CDYL2: variants seen among roughly 807,000 people sequenced by gnomAD.
The protein encoded by CDYL2 is chromodomain Y like 2.
A neutral mutation model predicts 49.4 loss-of-function variants in CDYL2; 23 were observed. The observed-to-expected ratio is 0.47, with a 90% CI of 0.34 to 0.66. CDYL2 has a LOEUF of 0.66. CDYL2 is among the 30% of genes least tolerant of loss of function. CDYL2 has a pLI of 0.01. For missense variants in CDYL2, 678 were observed against 656.4 expected (o/e 1.03, Z -0.36); for synonymous variants, 360 against 268.8 (o/e 1.34, Z -3.32).
chr16:80,792,435 T>C (rs894776738), intron 1 of CDYL2, among the ~76,000 whole-genome samples: 5 of 152,196 alleles, frequency 3.3e-5, no homozygotes, highest in Admixed American at 2.0e-4. Context: ...TATTTACCTA[T>C]ACATGATCCT....
At chr16:80,647,901 A>G in intron 2 of CDYL2, among the ~76,000 whole-genome samples, 1 of 152,182 alleles carries the variant, frequency 6.6e-6, no homozygotes, top group Non-Finnish European at 1.5e-5. Context: ...ATACATGGAA[A>G]TTAAACAATA....
chr16:80,750,108 A>G (rs1906080285), intron 1 of CDYL2, among the ~76,000 whole-genome samples: 1 of 152,088 alleles, frequency 6.6e-6, no homozygotes, highest in East Asian at 1.9e-4. Flanking sequence ...TGGGGGAGGG[A>G]CAACATTAGG....
intron 1 of CDYL2, among the ~76,000 whole-genome samples, chr16:80,764,786 C>A (rs547413112): frequency 6.6e-6 from 1 of 151,848 alleles, no homozygotes; most frequent in African/African-American, 2.4e-5. Flanking sequence ...CTCGGCTAGG[C>A]GCGGTGGCTC....
intron 2 of CDYL2, among the ~76,000 whole-genome samples, chr16:80,648,572 T>G (rs995366728): frequency 4.0e-5 from 6 of 151,672 alleles, no homozygotes; most frequent in Admixed American, 6.6e-5. Flanking sequence ...ACCAAACATT[T>G]GAAGAACTAA....
intron 1 of CDYL2, among the ~76,000 whole-genome samples, chr16:80,710,205 G>A (rs1056633583): frequency 1.3e-5 from 2 of 152,126 alleles, no homozygotes; most frequent in Non-Finnish European, 2.9e-5. Context: ...GGGATTACAG[G>A]TGTGAGCCAC....
At chr16:80,656,790 CA>C (rs1343071649) in intron 2 of CDYL2, among the ~76,000 whole-genome samples, 1 of 152,118 alleles carries the variant, frequency 6.6e-6, no homozygotes, top group African/African-American at 2.4e-5. Context: ...ACAACACTGA[CA>C]CAAAGCAGTC....
At chr16:80,803,490 C>G (rs901637118) in intron 1 of CDYL2, among the ~76,000 whole-genome samples, 5 of 152,076 alleles carry the variant, frequency 3.3e-5, no homozygotes, top group Non-Finnish European at 5.9e-5. Flanking sequence ...CACGCCCGAG[C>G]CCGGAGGGCG....
intron 2 of CDYL2, among the ~76,000 whole-genome samples, chr16:80,667,928 G>A (rs1192379085): frequency 6.6e-6 from 1 of 152,162 alleles, no homozygotes; most frequent in African/African-American, 2.4e-5. Context: ...CCCCTGACTC[G>A]CCACCACTGT....
chr16:80,733,774 T>A (rs1905416998), intron 1 of CDYL2, among the ~76,000 whole-genome samples: 1 of 152,210 alleles, frequency 6.6e-6, no homozygotes, highest in Admixed American at 6.5e-5. Flanking sequence ...ACCCAGTGAT[T>A]GCCTTTAACC....
chr16:80,756,813 G>T (rs921880605), intron 1 of CDYL2, among the ~76,000 whole-genome samples: 7 of 151,708 alleles, frequency 4.6e-5, no homozygotes, highest in African/African-American at 1.7e-4. Context: ...AGCAGAGATT[G>T]GTCCCAGAAA....
chr16:80,640,743 C>G (rs1052840011), intron 2 of CDYL2, among the ~76,000 whole-genome samples: 2 of 151,866 alleles, frequency 1.3e-5, no homozygotes, highest in African/African-American at 2.4e-5. Flanking sequence ...AAATTTAACA[C>G]GGAGATTGAA....
At position 80,696,958 on chromosome 16, in the gene CDYL2, G is replaced by A. The variant is rs1159078873; in HGVS notation, c.25-11829C>T. ...GTTGCAGTGCCCTATGATTGCATCT[G>A]TGAATAGCCATTACACTCCGGCCTG... On this transcript the variant is annotated intron_variant, in intron 1 of 6. Coordinates refer to ENST00000570137, the MANE Select transcript of CDYL2 (RefSeq NM_152342.4). Among the ~76,000 whole-genome samples, 3 of 152,044 alleles carry A rather than the reference G, an allele frequency of 2.0e-5. No homozygotes were observed. The East Asian group carries it at 5.8e-4, about 29-fold the overall frequency.
Position 80,763,595 on chromosome 16 carries a change from G to C in CDYL2, c.24+40555C>G, listed in dbSNP as rs1389552126. Among the ~76,000 whole-genome samples, 3 of 151,616 alleles carry C rather than the reference G, an allele frequency of 2.0e-5. No individual in the cohort carries two copies. In the East Asian group the frequency reaches 6.0e-4, roughly 30 times the overall value. The stretch of plus-strand genomic sequence containing the variant: ...CCACTGCACTCCAGCCTGGGTAACA[G>C]AGCAAGACTCTGTCTCAAAACAAAA... On this transcript the variant is annotated intron_variant, in intron 1 of 6. Transcript: ENST00000570137.
intron 1 of CDYL2, among the ~76,000 whole-genome samples, chr16:80,731,908 C>T (rs1194790771): frequency 1.3e-5 from 1 of 76,132 alleles, no homozygotes; most frequent in Non-Finnish European, 3.5e-5. Context: ...AGATGCAGCA[C>T]AGTTAAAAAA....
At chr16:80,712,017 G>GTA in intron 1 of CDYL2, among the ~76,000 whole-genome samples, 1 of 140,418 alleles carries the variant, frequency 7.1e-6, no homozygotes, top group Middle Eastern at 3.7e-3. Context: ...ATATATGTGT[G>GTA]TATATATATG....
intron 1 of CDYL2, among the ~76,000 whole-genome samples, chr16:80,748,864 G>C (rs184146492): frequency 6.6e-6 from 1 of 152,058 alleles, no homozygotes; most frequent in Admixed American, 6.5e-5. Flanking sequence ...TTTGGGCATG[G>C]ATACCAAATT....
At chr16:80,710,793 G>A (rs1159815471) in intron 1 of CDYL2, among the ~76,000 whole-genome samples, 1 of 152,004 alleles carries the variant, frequency 6.6e-6, no homozygotes, top group Non-Finnish European at 1.5e-5. Context: ...TTTTTTAAAA[G>A]CTAAGTCACC....
intron 1 of CDYL2, among the ~76,000 whole-genome samples, chr16:80,722,517 G>T (rs1905031543): frequency 6.6e-6 from 1 of 152,182 alleles, no homozygotes; most frequent in Non-Finnish European, 1.5e-5. Context: ...ATCAACAACG[G>T]AATGGGCACA....
intron 1 of CDYL2, among the ~76,000 whole-genome samples, chr16:80,799,863 T>C (rs1166467625): frequency 1.3e-5 from 2 of 152,202 alleles, no homozygotes; most frequent in African/African-American, 4.8e-5. Flanking sequence ...ATCCAACTGA[T>C]AACATTTTCT....
Sources: gnomAD v4.1 joint callset for allele counts (sites outside exome capture counted in the v4.1 genomes callset) on GRCh38, gnomAD v4.1.1 for gene constraint, MANE v1.5 for transcripts, NCBI Gene and HGNC (gene_info 2026-07-23, HGNC 2026-07-21) for gene names.